DNAJB6: variants seen among roughly 807,000 people sequenced by gnomAD.
DNAJB6 encodes dnaJ homolog subfamily B member 6.
Under a neutral mutation model 42.7 loss-of-function variants are expected in DNAJB6, and 16 were observed. The observed-to-expected ratio is 0.37, with a 90% CI of 0.25 to 0.57. The LOEUF (loss-of-function observed/expected upper bound fraction) is 0.57, where lower values mean the gene tolerates loss of function less well. DNAJB6 is among the 20% of genes least tolerant of loss of function. DNAJB6 has a pLI of 0.74. For synonymous variants in DNAJB6, 170 were observed against 163.5 expected (o/e 1.04, Z -0.30); for missense variants, 347 against 416.8 (o/e 0.83, Z 1.46).
At chr7:157,369,267 C>G in intron 5 of DNAJB6, 1 of 456,690 alleles carries the variant, frequency 2.2e-6, no homozygotes, top group Non-Finnish European at 4.4e-6. Flanking sequence ...AAATATTTCT[C>G]TAAGAAAAAT....
At chr7:157,358,882 A>G (rs576402185) in intron 2 of DNAJB6, among the ~76,000 whole-genome samples, 14 of 152,356 alleles carry the variant, frequency 9.2e-5, no homozygotes, top group Non-Finnish European at 8.8e-5. Context: ...AGGATGTGAG[A>G]TAATCCCAAA....
At chr7:157,408,971 C>T (rs6958503) in intron 8 of DNAJB6, among the ~76,000 whole-genome samples, 102,081 of 152,122 alleles carry the variant, frequency 0.67, 34,381 homozygotes, top group Admixed American at 0.75. Flanking sequence ...CGAGGAATCC[C>T]ACCACCTGCG....
At chr7:157,338,746 A>T (rs1329362725) in intron 1 of DNAJB6, among the ~76,000 whole-genome samples, 2 of 152,250 alleles carry the variant, frequency 1.3e-5, no homozygotes, top group Non-Finnish European at 2.9e-5. Context: ...TGCACGCTTC[A>T]GCGAGCTGCG....
At chr7:157,400,249 C>T (rs2240993) in intron 8 of DNAJB6, among the ~76,000 whole-genome samples, 88,761 of 140,236 alleles carry the variant, frequency 0.63, 28,782 homozygotes, top group African/African-American at 0.86. Flanking sequence ...TATGTGCTCG[C>T]GTCTAGGGAG....
intron 5 of DNAJB6, among the ~76,000 whole-genome samples, chr7:157,368,239 C>T (rs1799938764): frequency 6.6e-6 from 1 of 152,068 alleles, no homozygotes; most frequent in Non-Finnish European, 1.5e-5. Context: ...TTATGTATGG[C>T]CTTAATTAAC....
chr7:157,408,028 G>A lies in DNAJB6; in HGVS notation c.692-1767G>A, dbSNP rs149580919. ...TTTACTTCACTCACGTCATAGAATCGCAGACAGCAGCCCTGCCACCTGTTT... is the reference window on the plus strand; with the variant it reads ...TTTACTTCACTCACGTCATAGAATCACAGACAGCAGCCCTGCCACCTGTTT... On this transcript the variant is annotated intron_variant, in intron 8 of 9. Transcript: ENST00000262177. Among the ~76,000 whole-genome samples, 580 of 152,244 alleles carry A rather than the reference G, an allele frequency of 3.8e-3. 1 individual carries two copies. Among genetic ancestry groups the A allele is most frequent in the African/African-American group, 0.013 (541 of 41,548 alleles).
chr7:157,409,433 A>C (rs1330719373), intron 8 of DNAJB6, among the ~76,000 whole-genome samples: 1 of 152,240 alleles, frequency 6.6e-6, no homozygotes, highest in Non-Finnish European at 1.5e-5. Flanking sequence ...TTTCTTCCCC[A>C]GGGTGGCTCA....
chr7:157,411,606 G>C (rs1464794221), intron 9 of DNAJB6: 1 of 152,290 alleles, frequency 6.6e-6, no homozygotes, highest in Non-Finnish European at 1.5e-5. Flanking sequence ...CTGAACCACT[G>C]GGGTTAGGAG....
chr7:157,406,786 G>A (rs1302820113), intron 8 of DNAJB6, among the ~76,000 whole-genome samples: 2 of 152,246 alleles, frequency 1.3e-5, no homozygotes, highest in Admixed American at 6.5e-5. Context: ...AGCTTTGGAC[G>A]CTGCAGGTGT....
chr7:157,375,993 A>C (rs1584917604), intron 5 of DNAJB6, among the ~76,000 whole-genome samples: 1 of 152,136 alleles, frequency 6.6e-6, no homozygotes, highest in Admixed American at 6.5e-5. Context: ...GGGTCCTGAA[A>C]TCATGACAGC....
At chr7:157,338,787 T>A (rs962198183) in intron 1 of DNAJB6, among the ~76,000 whole-genome samples, 11 of 152,174 alleles carry the variant, frequency 7.2e-5, no homozygotes, top group African/African-American at 2.7e-4. Context: ...GCTGTGAAAT[T>A]TGGGAAGTAA....
intron 7 of DNAJB6, among the ~76,000 whole-genome samples, 178 bp from the exon 8 acceptor site, chr7:157,385,362 TA>T (rs1416773404): frequency 1.3e-5 from 2 of 152,370 alleles, no homozygotes; most frequent in Admixed American, 1.3e-4. Flanking sequence ...TTTGTCAGGT[TA>T]ATTCTATTTT....
intron 7 of DNAJB6, 54 bp downstream of exon 7, chr7:157,385,062 T>C (rs1471161622): frequency 6.4e-7 from 1 of 1,564,232 alleles, no homozygotes; most frequent in Non-Finnish European, 8.7e-7. Flanking sequence ...AACGTTTCAC[T>C]GGTGCCATGT....
chr7:157,349,306 ATTC>A (rs1167024036), intron 1 of DNAJB6, among the ~76,000 whole-genome samples: 1 of 152,194 alleles, frequency 6.6e-6, no homozygotes, highest in African/African-American at 2.4e-5. Flanking sequence ...GAATGACAAT[ATTC>A]TTTTAACATT....
At chr7:157,405,223 T>G (rs922583269) in intron 8 of DNAJB6, among the ~76,000 whole-genome samples, 1 of 152,206 alleles carries the variant, frequency 6.6e-6, no homozygotes, top group Non-Finnish European at 1.5e-5. Flanking sequence ...GTGCAATAGC[T>G]GCGTGAGCTC....
intron 4 of DNAJB6, 47 bp from the exon 5 acceptor site, chr7:157,367,326 C>T: frequency 7.7e-7 from 1 of 1,293,996 alleles, no homozygotes; most frequent in Non-Finnish European, 1.1e-6. Context: ...TCTTTGCCTA[C>T]AAAGCACCAA....
chr7:157,345,313 A>T (rs1331602515), intron 1 of DNAJB6, among the ~76,000 whole-genome samples: 1 of 151,876 alleles, frequency 6.6e-6, no homozygotes, highest in Admixed American at 6.6e-5. Context: ...TATTTTTTAT[A>T]TATTTTGTTT....
At chr7:157,407,336 C>G (rs10231213) in intron 8 of DNAJB6, among the ~76,000 whole-genome samples, 6,667 of 152,312 alleles carry the variant, frequency 0.044, 527 homozygotes, top group African/African-American at 0.15. Context: ...AGAGCTCACG[C>G]TGCATCGCTG....
At chr7:157,390,788 G>C (rs1247871345) in intron 8 of DNAJB6, among the ~76,000 whole-genome samples, 1 of 152,236 alleles carries the variant, frequency 6.6e-6, no homozygotes, top group South Asian at 2.1e-4. Context: ...GGGGAGATGT[G>C]GCTCCTGAGG....
Sources: allele counts gnomAD v4.1 joint callset (sites outside exome capture counted in the v4.1 genomes callset), GRCh38; gene constraint gnomAD v4.1.1; transcripts MANE v1.5; gene names NCBI Gene and HGNC (gene_info 2026-07-23, HGNC 2026-07-21).